The following CNTN4 variants were observed in gnomAD, a reference collection of about 807,000 sequenced individuals.
CNTN4 encodes contactin-4.
Under a neutral mutation model 122.5 loss-of-function variants are expected in CNTN4, and 77 were observed. That is an observed-to-expected ratio of 0.63 (90% CI 0.52 to 0.76). CNTN4 has a LOEUF of 0.76. Ranked by LOEUF, CNTN4 falls within the 30% of genes least tolerant of loss-of-function variation. The probability of loss-of-function intolerance (pLI) is 0.00; values close to 1 mark genes in which losing one functional copy is unlikely to be tolerated. For missense variants in CNTN4, 1,256 were observed against 1,259.1 expected (o/e 1.00, Z 0.04); for synonymous variants, 512 against 447.0 (o/e 1.15, Z -1.83).
intron 3 of CNTN4, among the ~76,000 whole-genome samples, chr3:2,558,573 A>T (rs919344648): frequency 6.6e-6 from 1 of 152,114 alleles, no homozygotes; most frequent in African/African-American, 2.4e-5. Context: ...CGAGGCCAGT[A>T]TGTCTTATCA....
chr3:2,950,012 G>C (rs1174476442), intron 13 of CNTN4, among the ~76,000 whole-genome samples: 2 of 152,206 alleles, frequency 1.3e-5, no homozygotes, highest in Non-Finnish European at 2.9e-5. Context: ...ATTTGAGGAA[G>C]GGGAGCAATT....
At chr3:2,420,444 T>G (rs902025206) in intron 3 of CNTN4, among the ~76,000 whole-genome samples, 3 of 152,064 alleles carry the variant, frequency 2.0e-5, no homozygotes, top group South Asian at 2.1e-4. Flanking sequence ...TTCTTTTTTT[T>G]TTTTCCTTTG....
At chr3:2,724,387 A>G (rs1050102136) in intron 4 of CNTN4, among the ~76,000 whole-genome samples, 3 of 152,216 alleles carry the variant, frequency 2.0e-5, no homozygotes, top group African/African-American at 7.2e-5. Context: ...ACATCATGAT[A>G]GCCCTATCTC....
intron 4 of CNTN4, among the ~76,000 whole-genome samples, chr3:2,619,187 C>G (rs1249849156): frequency 6.6e-6 from 1 of 152,172 alleles, no homozygotes; most frequent in Admixed American, 6.5e-5. Flanking sequence ...CTCAGAAGCA[C>G]ATACTAAATA....
intron 4 of CNTN4, among the ~76,000 whole-genome samples, chr3:2,645,978 A>G (rs1027081018): frequency 2.0e-5 from 3 of 152,224 alleles, no homozygotes; most frequent in Admixed American, 1.3e-4. Flanking sequence ...CAGTGGGAAT[A>G]TATATACTGT....
intron 2 of CNTN4, among the ~76,000 whole-genome samples, chr3:2,251,917 C>G (rs534697078): frequency 6.6e-6 from 1 of 151,852 alleles, no homozygotes; most frequent in African/African-American, 2.4e-5. Context: ...ATTTTTCATC[C>G]AATTTATTTT....
chr3:2,804,816 G>T (rs1159028919), intron 6 of CNTN4, among the ~76,000 whole-genome samples: 2 of 150,996 alleles, frequency 1.3e-5, no homozygotes, highest in Admixed American at 6.6e-5. Context: ...TCCTGCCTCA[G>T]CCTCCAAAGT....
In CNTN4 at chr3:2,345,945, C is replaced by T. The variant is rs540231351; in HGVS notation, c.-89+6712C>T. ...TTAAATTAAATTTGCCTGAGATTTC[C>T]TTTCTAATTTGTTTTCAACCTTTAT... is the stretch of plus-strand genomic sequence containing the variant. On this transcript the variant is annotated intron_variant, in intron 3 of 24. Coordinates refer to ENST00000418658, the MANE Select transcript of CNTN4 (RefSeq NM_175607.3). Among the ~76,000 whole-genome samples the T allele has an allele frequency of 3.2e-4, 48 of 152,212 alleles. No homozygotes were observed. The South Asian group carries it at 8.1e-3, about 26-fold the overall frequency.
chr3:2,664,408 C>T (rs1411023133), intron 4 of CNTN4, among the ~76,000 whole-genome samples: 1 of 142,338 alleles, frequency 7.0e-6, no homozygotes. Flanking sequence ...TAGATCATCA[C>T]CTATATTTTT....
intron 12 of CNTN4, among the ~76,000 whole-genome samples, chr3:2,914,471 T>A (rs1420890628): frequency 6.6e-6 from 1 of 152,052 alleles, no homozygotes; most frequent in African/African-American, 2.4e-5. Flanking sequence ...AAACAGATGA[T>A]TCAGAAATAA....
At chr3:2,307,950 G>T (rs2042779882) in intron 2 of CNTN4, among the ~76,000 whole-genome samples, 1 of 152,044 alleles carries the variant, frequency 6.6e-6, no homozygotes, top group African/African-American at 2.4e-5. Context: ...TAATGAGCCT[G>T]GAAGTGTTTC....
intron 12 of CNTN4, among the ~76,000 whole-genome samples, chr3:2,916,753 CTCCTCACTTCCCAGTAGG>C: frequency 7.0e-6 from 1 of 142,016 alleles, no homozygotes; most frequent in African/African-American, 3.0e-5. Context: ...GGCAGAGGGG[CTCCTCACTTCCCAGTAGG>C]GGCGGCCGGG....
chr3:2,380,291 A>G (rs17013514), intron 3 of CNTN4, among the ~76,000 whole-genome samples: 35,973 of 124,754 alleles, frequency 0.29, 6,457 homozygotes, highest in East Asian at 0.53. Flanking sequence ...CAATGGTAAC[A>G]TTAGGGTTTG....
intron 2 of CNTN4, among the ~76,000 whole-genome samples, chr3:2,104,182 A>C (rs928790372): frequency 4.9e-5 from 7 of 144,066 alleles, no homozygotes; most frequent in African/African-American, 1.8e-4. Context: ...TTTTTTCTGA[A>C]CTCCTCTTTC....
At chr3:2,362,072 C>T (rs1352694284) in intron 3 of CNTN4, among the ~76,000 whole-genome samples, 1 of 152,160 alleles carries the variant, frequency 6.6e-6, no homozygotes, top group Non-Finnish European at 1.5e-5. Flanking sequence ...GTGGGACCAG[C>T]ATAGGCATGA....
At chr3:2,864,032 T>A (rs2093697234) in intron 7 of CNTN4, among the ~76,000 whole-genome samples, 1 of 152,184 alleles carries the variant, frequency 6.6e-6, no homozygotes, top group Non-Finnish European at 1.5e-5. Flanking sequence ...TTTAATTAGA[T>A]CAAATAGCAT....
At chr3:2,224,364 C>T (rs1017329187) in intron 2 of CNTN4, among the ~76,000 whole-genome samples, 5 of 152,178 alleles carry the variant, frequency 3.3e-5, no homozygotes, top group African/African-American at 1.2e-4. Flanking sequence ...ATAGGCATCC[C>T]TGGACGGAAA....
At chr3:2,947,371 T>C (rs1370723309) in intron 13 of CNTN4, among the ~76,000 whole-genome samples, 1 of 152,212 alleles carries the variant, frequency 6.6e-6, no homozygotes, top group African/African-American at 2.4e-5. Flanking sequence ...TATGACCTGC[T>C]TACCTCCTAT....
intron 2 of CNTN4, among the ~76,000 whole-genome samples, chr3:2,223,796 G>A (rs574942912): frequency 7.9e-5 from 12 of 152,256 alleles, no homozygotes; most frequent in South Asian, 4.1e-4. Flanking sequence ...ATGGCTTCCC[G>A]CTTTGACACA....
Sources: gnomAD v4.1 joint callset for allele counts (sites outside exome capture counted in the v4.1 genomes callset) on GRCh38, gnomAD v4.1.1 for gene constraint, MANE v1.5 for transcripts, NCBI Gene and HGNC (gene_info 2026-07-23, HGNC 2026-07-21) for gene names.